The following EDDM3A variants were observed in gnomAD, a reference collection of about 807,000 sequenced individuals.
EDDM3A encodes the protein epididymal protein 3A.
For synonymous variants in EDDM3A, 75 were observed against 60.4 expected (o/e 1.24, Z -1.12); for missense variants, 199 against 177.4 (o/e 1.12, Z -0.69).
At chr14:20,738,897 T>C in the EDDM3A span, among the ~76,000 whole-genome samples, 1 of 152,192 alleles carries the variant, frequency 6.6e-6, no homozygotes, top group Non-Finnish European at 1.5e-5. Flanking sequence ...CAGATTTAAG[T>C]CAGTATCTTC....
the EDDM3A span, among the ~76,000 whole-genome samples, chr14:20,740,467 C>T: frequency 6.6e-6 from 1 of 152,164 alleles, no homozygotes; most frequent in Non-Finnish European, 1.5e-5. Context: ...TTCCAACATC[C>T]TCTTTTCCTT....
chr14:20,738,492 AATAAATAAATAAAT>A, the EDDM3A span, among the ~76,000 whole-genome samples: 1 of 151,600 alleles, frequency 6.6e-6, no homozygotes, highest in East Asian at 1.9e-4. Flanking sequence ...TAAATAAATA[AATAAATAAATAAAT>A]AAACAGTAGC....
the EDDM3A span, among the ~76,000 whole-genome samples, chr14:20,740,422 G>C: frequency 1.8e-4 from 28 of 152,240 alleles, no homozygotes; most frequent in African/African-American, 6.3e-4. Flanking sequence ...AGGGGAGAAG[G>C]GGTTTCCAGA....
chr14:20,737,933 G>A, the EDDM3A span, among the ~76,000 whole-genome samples: 2 of 151,980 alleles, frequency 1.3e-5, no homozygotes, highest in Admixed American at 6.5e-5. Flanking sequence ...GTTCTTCAGC[G>A]TCCTGCAATG....
the EDDM3A span, among the ~76,000 whole-genome samples, chr14:20,740,748 C>T: frequency 6.6e-5 from 10 of 152,190 alleles, 1 homozygote; most frequent in African/African-American, 2.4e-4. Flanking sequence ...CGGCTCACTG[C>T]TGTTGGCTCT....
the EDDM3A span, among the ~76,000 whole-genome samples, chr14:20,737,751 A>G: frequency 1.3e-5 from 2 of 152,344 alleles, no homozygotes; most frequent in African/African-American, 4.8e-5. Context: ...CATGGAATGA[A>G]TGAGAAAGGA....
chr14:20,737,777 C>T, the EDDM3A span, among the ~76,000 whole-genome samples: 2 of 152,148 alleles, frequency 1.3e-5, no homozygotes, highest in African/African-American at 2.4e-5. Flanking sequence ...GAGAAAGACA[C>T]GTTGGGTTCA....
chr14:20,747,341 C>T (rs145102785), intron 1 of EDDM3A, among the ~76,000 whole-genome samples: 4,188 of 152,154 alleles, frequency 0.028, 211 homozygotes, highest in African/African-American at 0.096. Flanking sequence ...AGGTGATACA[C>T]CCACCTTGGC....
intron 1 of EDDM3A, among the ~76,000 whole-genome samples, chr14:20,746,678 T>G (rs1350975045): frequency 6.6e-6 from 1 of 152,194 alleles, no homozygotes; most frequent in Non-Finnish European, 1.5e-5. Flanking sequence ...ATGCCGATAG[T>G]TAATAATGAT....
At chr14:20,736,921 G>A in the EDDM3A span, among the ~76,000 whole-genome samples, 2 of 151,620 alleles carry the variant, frequency 1.3e-5, no homozygotes, top group South Asian at 2.1e-4. Flanking sequence ...CCATGTTGCC[G>A]AGGCTGATCT....
Position 20,747,589 on chromosome 14 carries a change from C to G in EDDM3A, c.9C>G (p.Ser3=). Residue 3 remains serine, a synonymous_variant, in exon 2 of 2, where the codon TCC becomes TCG. Coordinates refer to ENST00000326842, the MANE Select transcript of EDDM3A (RefSeq NM_006683.5). ...TGGACGTGGTGACTGAGATGACATC[C>G]TCTCTAAAGATTTGGGGCATACTCT... The part of the protein sequence containing the change: MT[S]SLKIWGILLA... 4 of 1,599,702 alleles carry G rather than the reference C, an allele frequency of 2.5e-6. No homozygotes were observed. Among genetic ancestry groups the G allele is most frequent in the Non-Finnish European group, 2.6e-6 (3 of 1,172,836 alleles).
chr14:20,744,844 TA>T (rs1877535330), upstream of EDDM3A, among the ~76,000 whole-genome samples: 1 of 152,232 alleles, frequency 6.6e-6, no homozygotes, highest in Admixed American at 6.5e-5. Flanking sequence ...ACTGGCTACC[TA>T]ATCATTCATA....
chr14:20,746,393 G>A (rs1278867263), intron 1 of EDDM3A, among the ~76,000 whole-genome samples: 1 of 152,184 alleles, frequency 6.6e-6, no homozygotes, highest in African/African-American at 2.4e-5. Context: ...CCGATACTCA[G>A]AGCTATGAAT....
chr14:20,748,082 GC>G lies in EDDM3A; in HGVS notation c.*61del. ...GTATTCAGTGCTTCCAAAGTGGTGGGCCCTGCCTCCATCAATAGCCCCTGCC... is the reference window on the plus strand; with the variant it reads ...GTATTCAGTGCTTCCAAAGTGGTGGGCCTGCCTCCATCAATAGCCCCTGCC... On this transcript the variant is annotated 3_prime_UTR_variant, in exon 2 of 2. Transcript: ENST00000326842. The G allele has an allele frequency of 7.3e-7, 1 of 1,372,478 alleles. No homozygotes were observed. Among genetic ancestry groups the G allele is most frequent in the Non-Finnish European group, 9.9e-7 (1 of 1,009,364 alleles). The allele number at this position is 1,372,478 out of a possible 1,614,324, so 85.0% of individuals were successfully genotyped here.
upstream of EDDM3A, among the ~76,000 whole-genome samples, chr14:20,742,214 C>A (rs1320904492): frequency 6.6e-6 from 1 of 152,198 alleles, no homozygotes; most frequent in East Asian, 1.9e-4. Context: ...GATTCCCATC[C>A]TGGGCAGATG....
intron 1 of EDDM3A, among the ~76,000 whole-genome samples, chr14:20,746,231 G>A (rs764599800): frequency 3.3e-5 from 5 of 152,122 alleles, no homozygotes; most frequent in Non-Finnish European, 4.4e-5. Context: ...TCTATCTTGT[G>A]TAGGCCTTTA....
Position 20,747,768 on chromosome 14 carries a change from A to G in EDDM3A, c.188A>G (p.Lys63Arg). Residue 63 changes from lysine (K) to arginine (R), a missense_variant, in exon 2 of 2, where the codon AAG becomes AGG. Lys to Arg is a conservative substitution (Grantham distance 26). Transcript: ENST00000326842. ...AGAGAAAAAGAGGCTCTGAAAGGCAAGAGCTTTCATATGTTCATCTATAGC... is the reference window on the plus strand; with the variant it reads ...AGAGAAAAAGAGGCTCTGAAAGGCAGGAGCTTTCATATGTTCATCTATAGC... ...LMREKEALKG[K>R]SFHMFIYSLW... The G allele has an allele frequency of 6.2e-7, 1 of 1,614,186 alleles. No homozygotes were observed. The highest frequency in any genetic ancestry group is 1.3e-5 in the African/African-American group (1 of 75,056).
At chr14:20,739,135 C>T in the EDDM3A span, among the ~76,000 whole-genome samples, 22 of 152,292 alleles carry the variant, frequency 1.4e-4, no homozygotes, top group African/African-American at 5.3e-4. Flanking sequence ...ATATTCTGAT[C>T]TCCTATAGTA....
At chr14:20,746,591 A>T (rs1877594734) in intron 1 of EDDM3A, among the ~76,000 whole-genome samples, 1 of 152,198 alleles carries the variant, frequency 6.6e-6, no homozygotes, top group African/African-American at 2.4e-5. Flanking sequence ...TCCTTTTATG[A>T]TGGCATTGTC....
Sources: allele counts gnomAD v4.1 joint callset (sites outside exome capture counted in the v4.1 genomes callset), GRCh38; gene constraint gnomAD v4.1.1; transcripts MANE v1.5; gene names NCBI Gene and HGNC (gene_info 2026-07-23, HGNC 2026-07-21).